The following MYO3B variants were observed in gnomAD, a reference collection of about 807,000 sequenced individuals.
MYO3B encodes the protein myosin IIIB.
MYO3B carries 156 observed loss-of-function variants against 174.6 expected under a neutral mutation model. The ratio of observed to expected loss-of-function variants is 0.89; its 90% CI spans 0.78 to 1.02. MYO3B has a LOEUF of 1.02. MYO3B is among the 50% of genes least tolerant of loss of function. The probability of loss-of-function intolerance (pLI) is 0.00; values close to 1 mark genes in which losing one functional copy is unlikely to be tolerated. For missense variants in MYO3B, 1,632 were observed against 1,639.4 expected (o/e 1.00, Z 0.08); for synonymous variants, 563 against 569.1 (o/e 0.99, Z 0.15).
chr2:170,236,546 T>C (rs1277140539), intron 7 of MYO3B, among the ~76,000 whole-genome samples: 2 of 152,250 alleles, frequency 1.3e-5, no homozygotes, highest in Admixed American at 6.5e-5. Context: ...CAGACTAGCA[T>C]TGAAATGTAT....
rs1393813322 is a variant in MYO3B at position 170,259,180 on chromosome 2, C to G, written c.749+23044C>G. Among the ~76,000 whole-genome samples the G allele has an allele frequency of 1.3e-5, 2 of 152,080 alleles. 1 individual carries two copies. The highest frequency in any genetic ancestry group is 4.1e-4 in the South Asian group (2 of 4,820). On this transcript the variant is annotated intron_variant, in intron 7 of 34. Transcript: ENST00000408978. ...TTCAACACTATTCCTATGAAACTAC[C>G]GATGTCATTTTTCATAGAATTATAA...
At chr2:170,589,203 G>T (rs1367061641) in intron 32 of MYO3B, among the ~76,000 whole-genome samples, 3 of 152,136 alleles carry the variant, frequency 2.0e-5, no homozygotes, top group Non-Finnish European at 4.4e-5. Context: ...TGATATCATG[G>T]ACCCCAACAC....
At chr2:170,470,320 A>G (rs902075525) in intron 25 of MYO3B, among the ~76,000 whole-genome samples, 2 of 152,010 alleles carry the variant, frequency 1.3e-5, no homozygotes, top group Middle Eastern at 3.2e-3. Context: ...GGATTTGCCT[A>G]TTTTTGACAT....
intron 22 of MYO3B, among the ~76,000 whole-genome samples, chr2:170,439,902 G>C (rs574416404): frequency 1.3e-5 from 2 of 152,060 alleles, no homozygotes; most frequent in Admixed American, 6.5e-5. Flanking sequence ...GGATGGTCTC[G>C]ATCTCCTGAC....
chr2:170,331,793 A>G (rs1429870380), intron 7 of MYO3B, among the ~76,000 whole-genome samples: 2 of 152,174 alleles, frequency 1.3e-5, no homozygotes, highest in African/African-American at 2.4e-5. Flanking sequence ...GCCCGTTTCC[A>G]TCTTCCAGAT....
intron 7 of MYO3B, among the ~76,000 whole-genome samples, chr2:170,238,364 TTCTC>T (rs375371893): frequency 1.1e-4 from 16 of 150,354 alleles, no homozygotes; most frequent in Non-Finnish European, 1.2e-4. Flanking sequence ...CTGTCTCTCT[TTCTC>T]TCTCTCTCTC....
chr2:170,646,774 A>G (rs971769022), intron 32 of MYO3B: 9 of 433,940 alleles, frequency 2.1e-5, no homozygotes, highest in Admixed American at 1.1e-4. Flanking sequence ...CCCCTCCCAC[A>G]TTGTCTTTTA....
intron 32 of MYO3B, among the ~76,000 whole-genome samples, chr2:170,592,669 A>G (rs368972722): frequency 1.3e-5 from 2 of 152,282 alleles, no homozygotes; most frequent in Admixed American, 6.5e-5. Context: ...CATAAGGTTC[A>G]TGAGGGCAGG....
At chr2:170,595,868 A>AT (rs11396142) in intron 32 of MYO3B, among the ~76,000 whole-genome samples, 45,084 of 151,798 alleles carry the variant, frequency 0.3, 7,694 homozygotes, top group East Asian at 0.51. Context: ...AGCCAGCCTA[A>AT]CTAATGAATG....
chr2:170,233,078 T>A (rs1194022010), intron 6 of MYO3B, among the ~76,000 whole-genome samples: 2 of 152,230 alleles, frequency 1.3e-5, no homozygotes, highest in African/African-American at 4.8e-5. Context: ...TTGTGTCCCA[T>A]CCAAGTTGGC....
At chr2:170,638,873 A>G (rs921472300) in intron 32 of MYO3B, among the ~76,000 whole-genome samples, 2 of 152,194 alleles carry the variant, frequency 1.3e-5, no homozygotes, top group African/African-American at 4.8e-5. Context: ...ACTTAAGGTC[A>G]CATACCAATA....
chr2:170,616,596 C>T (rs1695478524), intron 32 of MYO3B, among the ~76,000 whole-genome samples: 5 of 152,196 alleles, frequency 3.3e-5, no homozygotes, highest in Admixed American at 3.3e-4. Context: ...CCATAGCAAT[C>T]ATAGCTTGGC....
intron 3 of MYO3B, among the ~76,000 whole-genome samples, chr2:170,205,876 A>C (rs1216203615): frequency 1.3e-5 from 2 of 152,090 alleles, no homozygotes; most frequent in African/African-American, 4.8e-5. Flanking sequence ...GTGATATATC[A>C]TGGTATTATA....
intron 9 of MYO3B, among the ~76,000 whole-genome samples, chr2:170,381,477 G>A (rs1230561478): frequency 6.6e-6 from 1 of 152,184 alleles, no homozygotes; most frequent in Non-Finnish European, 1.5e-5. Context: ...TCAGGAGAGA[G>A]GAGTGGGATG....
At chr2:170,557,935 C>G (rs1385610518) in intron 32 of MYO3B, among the ~76,000 whole-genome samples, 3 of 152,108 alleles carry the variant, frequency 2.0e-5, no homozygotes, top group African/African-American at 7.2e-5. Context: ...ACCCCCAGCC[C>G]CCATCCTTGG....
At chr2:170,485,266 A>C (rs1259302170) in intron 25 of MYO3B, among the ~76,000 whole-genome samples, 4 of 152,058 alleles carry the variant, frequency 2.6e-5, no homozygotes, top group Non-Finnish European at 5.9e-5. Context: ...CTTTCCTCTA[A>C]AATTTTTAAG....
At chr2:170,208,725 A>AT (rs1180038548) in intron 3 of MYO3B, among the ~76,000 whole-genome samples, 2 of 152,082 alleles carry the variant, frequency 1.3e-5, no homozygotes, top group Admixed American at 6.5e-5. Flanking sequence ...CCAGTCCCTC[A>AT]TTTTTTTGTT....
intron 7 of MYO3B, among the ~76,000 whole-genome samples, chr2:170,271,147 A>C (rs1279967413): frequency 1.3e-5 from 2 of 152,170 alleles, no homozygotes; most frequent in Non-Finnish European, 2.9e-5. Context: ...AGAAATGAGA[A>C]AGACTTCTTC....
chr2:170,320,945 G>A (rs906373592), intron 7 of MYO3B, among the ~76,000 whole-genome samples: 1 of 152,160 alleles, frequency 6.6e-6, no homozygotes, highest in African/African-American at 2.4e-5. Flanking sequence ...TAACCAAGCT[G>A]GGTGCAGTGT....
Sources: allele counts gnomAD v4.1 joint callset (sites outside exome capture counted in the v4.1 genomes callset), GRCh38; gene constraint gnomAD v4.1.1; transcripts MANE v1.5; gene names NCBI Gene and HGNC (gene_info 2026-07-23, HGNC 2026-07-21).